USP24: variants seen among roughly 807,000 people sequenced by gnomAD.
USP24 encodes ubiquitin specific peptidase 24.
USP24 carries 97 observed loss-of-function variants against 361.6 expected under a neutral mutation model. That is an observed-to-expected ratio of 0.27 (90% CI 0.23 to 0.32). The LOEUF (loss-of-function observed/expected upper bound fraction) is 0.32, where lower values mean the gene tolerates loss of function less well. Among genes scored for constraint, USP24 ranks in the 10% least tolerant of loss-of-function variants. The probability of loss-of-function intolerance (pLI) is 1.00; values close to 1 mark genes in which losing one functional copy is unlikely to be tolerated. For missense variants in USP24, 2,353 were observed against 3,165.6 expected, an observed-to-expected ratio of 0.74 and a Z score of 6.16; for synonymous variants, 1,098 against 1,124.6, an observed-to-expected ratio of 0.98 and a Z score of 0.47.
At chr1:55,172,575 T>C in intron 3 of USP24, 55 bp from the exon 4 acceptor site, 1 of 1,531,930 alleles carries the variant, frequency 6.5e-7, no homozygotes, top group Non-Finnish European at 8.8e-7. Flanking sequence ...AAAATAAATC[T>C]ACAGTTTATC....
intron 13 of USP24, 101 bp from the exon 14 acceptor site, chr1:55,154,567 T>C: frequency 6.9e-7 from 1 of 1,446,348 alleles, no homozygotes; most frequent in African/African-American, 1.4e-5. Context: ...GTAAGAAAAG[T>C]ACATTTAAAT....
At chr1:55,161,463 C>T (rs1014957462) in intron 8 of USP24, among the ~76,000 whole-genome samples, 5 of 151,668 alleles carry the variant, frequency 3.3e-5, no homozygotes, top group African/African-American at 1.2e-4. Flanking sequence ...ATTAAAATGG[C>T]CCTAAGTAAA....
In USP24 at chr1:55,137,652, G is replaced by A; in HGVS notation, c.3064C>T (p.Leu1022=). 1 of 1,613,064 alleles carries A rather than the reference G, an allele frequency of 6.2e-7. No individual in the cohort carries two copies. Among genetic ancestry groups the A allele is most frequent in the South Asian group, 1.1e-5 (1 of 90,918 alleles). Residue 1022 remains leucine (L), a synonymous_variant, in exon 28 of 68, where the codon CTG becomes TTG. Transcript: ENST00000294383. ...AGGATTTGTTCATCAGAAAAGCCCA[G>A]TTGGTGGAGTAGCTTTTGATCTTTA... is the stretch of plus-strand genomic sequence containing the variant. ...VNKDQKLLHQ[L]GFSDEQILTV...
intron 7 of USP24, among the ~76,000 whole-genome samples, chr1:55,162,517 T>C (rs1161212091): frequency 6.6e-6 from 1 of 152,162 alleles, no homozygotes; most frequent in Non-Finnish European, 1.5e-5. Flanking sequence ...GAGAATTAGA[T>C]AAAATGATTT....
chr1:55,107,186 C>T (rs1023002635), intron 40 of USP24, 53 bp downstream of exon 40: 26 of 1,563,026 alleles, frequency 1.7e-5, no homozygotes, highest in Middle Eastern at 1.7e-4. Context: ...ACAGTACTGG[C>T]AATAACCGAG....
chr1:55,156,031 A>G (rs557340782), intron 12 of USP24, among the ~76,000 whole-genome samples: 9 of 152,166 alleles, frequency 5.9e-5, no homozygotes, highest in East Asian at 3.9e-4. Flanking sequence ...TATACCTAGC[A>G]TAGTTTCTAC....
At chr1:55,153,301 T>C (rs921095903) in intron 16 of USP24, among the ~76,000 whole-genome samples, 4 of 152,186 alleles carry the variant, frequency 2.6e-5, no homozygotes, top group African/African-American at 9.6e-5. Flanking sequence ...AAGTTCACAG[T>C]AACCTACAGT....
intron 1 of USP24, among the ~76,000 whole-genome samples, chr1:55,183,482 C>T (rs970547939): frequency 1.3e-5 from 2 of 151,710 alleles, no homozygotes; most frequent in Non-Finnish European, 1.5e-5. Flanking sequence ...AATTGTAATC[C>T]CCAGGACAAC....
intron 32 of USP24, among the ~76,000 whole-genome samples, chr1:55,127,858 T>A (rs1307665645): frequency 6.6e-6 from 1 of 152,158 alleles, no homozygotes; most frequent in Non-Finnish European, 1.5e-5. Flanking sequence ...TCACCCCTTT[T>A]TTCTTACTCA....
chr1:55,076,301 T>TAC (rs752341334), intron 62 of USP24, among the ~76,000 whole-genome samples: 5 of 152,230 alleles, frequency 3.3e-5, no homozygotes, highest in Non-Finnish European at 7.3e-5. Flanking sequence ...AGATGAACAA[T>TAC]ACACAGTCCT....
chr1:55,147,865 A>G (rs1647074093), intron 17 of USP24, 67 bp from the exon 18 acceptor site: 2 of 1,533,150 alleles, frequency 1.3e-6, no homozygotes, highest in South Asian at 1.2e-5. Flanking sequence ...GTTTAATACA[A>G]GCTGCTATTT....
intron 32 of USP24, among the ~76,000 whole-genome samples, chr1:55,126,256 C>G (rs1646425244): frequency 6.6e-6 from 1 of 152,218 alleles, no homozygotes; most frequent in African/African-American, 2.4e-5. Flanking sequence ...CAGGCAGGTC[C>G]CCACGCATGG....
intron 1 of USP24, among the ~76,000 whole-genome samples, chr1:55,191,225 G>C (rs908500929): frequency 6.6e-6 from 1 of 151,968 alleles, no homozygotes; most frequent in Non-Finnish European, 1.5e-5. Flanking sequence ...ATTTCTAATT[G>C]GTCAGTTTAC....
At chr1:55,107,468 G>A in intron 39 of USP24, 38 bp from the exon 40 acceptor site, 2 of 1,510,050 alleles carry the variant, frequency 1.3e-6, no homozygotes, top group African/African-American at 1.4e-5. Flanking sequence ...AAAGAAAGAA[G>A]GATTTCCCTT....
chr1:55,156,791 A>T (rs1199446666), intron 12 of USP24, among the ~76,000 whole-genome samples, 157 bp downstream of exon 12: 1 of 152,138 alleles, frequency 6.6e-6, no homozygotes, highest in Non-Finnish European at 1.5e-5. Context: ...TACACATACA[A>T]TCTTAATAAA....
intron 61 of USP24, among the ~76,000 whole-genome samples, chr1:55,078,303 T>A (rs1262681901): frequency 6.6e-6 from 1 of 151,442 alleles, no homozygotes; most frequent in Non-Finnish European, 1.5e-5. Flanking sequence ...CTGGCCTATA[T>A]TTTTTCTTTT....
chr1:55,206,657 T>TTAA (rs113069542), intron 1 of USP24, among the ~76,000 whole-genome samples: 2 of 130,498 alleles, frequency 1.5e-5, no homozygotes, highest in African/African-American at 5.8e-5. Flanking sequence ...AGAAAAACAG[T>TTAA]AAAAAAAAAA....
chr1:55,192,823 G>T (rs961581489), intron 1 of USP24, among the ~76,000 whole-genome samples: 2 of 152,160 alleles, frequency 1.3e-5, no homozygotes, highest in South Asian at 4.1e-4. Context: ...AATACATTGT[G>T]TCTGAAGTCT....
chr1:55,115,221 A>G lies in USP24; in HGVS notation c.4509-4975T>C, dbSNP rs1646072244. On this transcript the variant is annotated intron_variant, in intron 38 of 67. Transcript: ENST00000294383. ...TGGTATCTTACATAGAATGGCGATC[A>G]TTAAAAAGGAAACAAGGCCGGGCGC... Among the ~76,000 whole-genome samples, 4 of 152,262 alleles carry G rather than the reference A, an allele frequency of 2.6e-5. No homozygotes were observed. The South Asian group carries it at 8.3e-4, about 32-fold the overall frequency.
Sources: gnomAD v4.1 joint callset for allele counts (sites outside exome capture counted in the v4.1 genomes callset) on GRCh38, gnomAD v4.1.1 for gene constraint, MANE v1.5 for transcripts, NCBI Gene and HGNC (gene_info 2026-07-23, HGNC 2026-07-21) for gene names.